Variants in GRIK4 observed in about 807,000 individuals in gnomAD.
GRIK4 encodes glutamate receptor ionotropic, kainate 4.
A neutral mutation model predicts 104.9 loss-of-function variants in GRIK4; 40 were observed. The ratio of observed to expected loss-of-function variants is 0.38; its 90% CI spans 0.30 to 0.50. The LOEUF (loss-of-function observed/expected upper bound fraction) is 0.50, where lower values mean the gene tolerates loss of function less well. Ranked by LOEUF, GRIK4 falls within the 20% of genes least tolerant of loss-of-function variation. GRIK4 has a pLI of 0.93. For missense variants in GRIK4, 1,047 were observed against 1,308.1 expected (o/e 0.80, Z 3.08); for synonymous variants, 485 against 524.9 (o/e 0.92, Z 1.04).
At chr11:120,875,642 G>A (rs1056182584) in intron 11 of GRIK4, among the ~76,000 whole-genome samples, 1 of 152,096 alleles carries the variant, frequency 6.6e-6, no homozygotes, top group Non-Finnish European at 1.5e-5. Flanking sequence ...TGCAGTGCAT[G>A]GCTGGGTCTC....
At chr11:120,677,902 T>C (rs1950127208) in intron 3 of GRIK4, among the ~76,000 whole-genome samples, 1 of 152,226 alleles carries the variant, frequency 6.6e-6, no homozygotes, top group African/African-American at 2.4e-5. Context: ...CCATAAGTTA[T>C]ATGATTAATT....
intron 9 of GRIK4, chr11:120,868,119 G>A (rs1329305985): frequency 6.6e-6 from 1 of 152,084 alleles, no homozygotes; most frequent in South Asian, 2.1e-4. Flanking sequence ...AGAGAGATGA[G>A]GGTTACAGGT....
chr11:120,960,114 A>G (rs980046990), intron 16 of GRIK4, among the ~76,000 whole-genome samples: 1 of 152,208 alleles, frequency 6.6e-6, no homozygotes, highest in African/African-American at 2.4e-5. Context: ...GTGGATCACA[A>G]GGTCAAGAGA....
intron 1 of GRIK4, among the ~76,000 whole-genome samples, chr11:120,606,381 T>C (rs1948963133): frequency 6.6e-6 from 1 of 152,034 alleles, no homozygotes; most frequent in Admixed American, 6.6e-5. Context: ...ACATGTATCA[T>C]CCCCAGGGAG....
intron 1 of GRIK4, among the ~76,000 whole-genome samples, chr11:120,601,504 G>A (rs112156157): frequency 6.6e-6 from 1 of 152,146 alleles, no homozygotes; most frequent in Non-Finnish European, 1.5e-5. Flanking sequence ...ATTAGTGGCT[G>A]TTTGTTTAAA....
chr11:120,605,365 G>A (rs909240328), intron 1 of GRIK4, among the ~76,000 whole-genome samples: 5 of 152,192 alleles, frequency 3.3e-5, no homozygotes, highest in African/African-American at 1.2e-4. Context: ...CTCTCCAAGT[G>A]TACAGAATAG....
At chr11:120,826,598 G>T (rs1402472830) in intron 6 of GRIK4, among the ~76,000 whole-genome samples, 2 of 152,208 alleles carry the variant, frequency 1.3e-5, no homozygotes, top group Admixed American at 6.5e-5. Context: ...GAAATCAGGA[G>T]GCTGATGGGA....
intron 3 of GRIK4, among the ~76,000 whole-genome samples, chr11:120,701,907 G>A (rs929680781): frequency 2.7e-5 from 4 of 149,798 alleles, no homozygotes; most frequent in Admixed American, 1.3e-4. Context: ...GTCTGGATAT[G>A]AGATGTGTAT....
intron 6 of GRIK4, among the ~76,000 whole-genome samples, chr11:120,823,862 G>A (rs12291645): frequency 1.3e-5 from 2 of 152,192 alleles, no homozygotes; most frequent in Non-Finnish European, 2.9e-5. Flanking sequence ...ACCTGCTGAG[G>A]CTGCTGAGGG....
At position 120,953,039 on chromosome 11, in the gene GRIK4, TGGGGAGGAGGAGAG is replaced by T. The variant is rs1227495676; in HGVS notation, c.1700+88_1700+101del. 5.9e-5 allele frequency: 46 copies of T among 774,218 alleles called. No homozygotes were observed. Among genetic ancestry groups the T allele is most frequent in the South Asian group, 4.7e-4 (32 of 68,708 alleles). 48.0% of individuals were successfully genotyped at this position (774,218 alleles called of 1,614,324 possible). A position where few individuals can be genotyped will look rare whatever the true frequency, so the allele number is the denominator to read the frequency against. ...CTCTGGGAACTGCATGGGGAGGGGGTGGGGAGGAGGAGAGGGGGAGGAGGAGTTGGGAAGATCTT... is the reference window on the plus strand; with the variant it reads ...CTCTGGGAACTGCATGGGGAGGGGGTGGGGAGGAGGAGTTGGGAAGATCTT... On this transcript the variant is annotated intron_variant, in intron 15 of 20. Coordinates refer to ENST00000527524, the MANE Select transcript of GRIK4 (RefSeq NM_014619.5). The surrounding 1 kb of genome is among the most constrained non-coding windows in gnomAD (Gnocchi z 4.9).
chr11:120,949,886 C>T (rs1180298865), intron 14 of GRIK4, among the ~76,000 whole-genome samples: 2 of 152,162 alleles, frequency 1.3e-5, no homozygotes, highest in Admixed American at 1.3e-4. Context: ...GTATTGAAAT[C>T]AAGAGAACAT....
intron 13 of GRIK4, among the ~76,000 whole-genome samples, chr11:120,937,967 T>C (rs190900493): frequency 4.6e-4 from 70 of 151,720 alleles, no homozygotes; most frequent in African/African-American, 1.7e-3. Flanking sequence ...TGATTTGGAT[T>C]TTTTTTTTAA....
At chr11:120,612,120 A>C (rs1232749017) in intron 1 of GRIK4, among the ~76,000 whole-genome samples, 1 of 152,130 alleles carries the variant, frequency 6.6e-6, no homozygotes, top group Non-Finnish European at 1.5e-5. Context: ...TGCTTGTCAT[A>C]CTTTACCTTG....
At chr11:120,753,313 G>GTGTGTGTA (rs755989585) in intron 3 of GRIK4, among the ~76,000 whole-genome samples, 8,844 of 110,334 alleles carry the variant, frequency 0.08, 548 homozygotes, top group African/African-American at 0.21. Flanking sequence ...GTGTGTGTGT[G>GTGTGTGTA]TGTGTGTGTG....
chr11:120,911,456 C>G (rs1942992172), intron 13 of GRIK4, among the ~76,000 whole-genome samples: 1 of 145,634 alleles, frequency 6.9e-6, no homozygotes, highest in African/African-American at 2.5e-5. Context: ...CCAGGATGGT[C>G]TCGATCTCCT....
At chr11:120,866,493 G>A (rs1346692327) in intron 9 of GRIK4, among the ~76,000 whole-genome samples, 1 of 152,300 alleles carries the variant, frequency 6.6e-6, no homozygotes, top group East Asian at 1.9e-4. Context: ...CTGTTTAAAA[G>A]ATAGAAACCC....
chr11:120,982,694 A>T (rs1369837445), intron 20 of GRIK4, among the ~76,000 whole-genome samples: 1 of 152,174 alleles, frequency 6.6e-6, no homozygotes, highest in Non-Finnish European at 1.5e-5. Flanking sequence ...TCTTCTTCCA[A>T]CCCACCCCAG....
intron 13 of GRIK4, among the ~76,000 whole-genome samples, chr11:120,917,633 G>A (rs546648620): frequency 8.5e-5 from 13 of 152,334 alleles, no homozygotes; most frequent in African/African-American, 3.1e-4. Flanking sequence ...CCACAGATTT[G>A]AAACAGACTT....
intron 3 of GRIK4, among the ~76,000 whole-genome samples, chr11:120,673,759 A>G (rs1230589370): frequency 6.6e-6 from 1 of 152,158 alleles, no homozygotes. Flanking sequence ...TGGACCTAGC[A>G]TCTCAGCTGG....
Sources: allele counts gnomAD v4.1 joint callset (sites outside exome capture counted in the v4.1 genomes callset), GRCh38; gene constraint gnomAD v4.1.1; non-coding constraint Gnocchi (gnomAD v3.1); transcripts MANE v1.5; gene names NCBI Gene and HGNC (gene_info 2026-07-23, HGNC 2026-07-21).